The following DOT1L variants were observed in gnomAD, a reference collection of about 807,000 sequenced individuals.
The protein encoded by DOT1L is histone-lysine N-methyltransferase, H3 lysine-79 specific.
DOT1L carries 33 observed loss-of-function variants against 153.3 expected under a neutral mutation model. The observed-to-expected ratio is 0.22, with a 90% CI of 0.16 to 0.29. DOT1L has a LOEUF of 0.29. DOT1L is among the 10% of genes least tolerant of loss of function. The probability of loss-of-function intolerance (pLI) is 1.00; values close to 1 mark genes in which losing one functional copy is unlikely to be tolerated. For missense variants in DOT1L, 1,847 were observed against 2,119.9 expected (o/e 0.87, Z 2.53); for synonymous variants, 1,135 against 965.1 (o/e 1.18, Z -3.26).
At chr19:2,200,820 TCTCGTCCTCCCC>T (rs2023232538) in intron 8 of DOT1L, among the ~76,000 whole-genome samples, 1 of 27,142 alleles carries the variant, frequency 3.7e-5, no homozygotes, top group Non-Finnish European at 7.3e-5. Context: ...TCCCCACGCC[TCTCGTCCTCCCC>T]GCATTCCTCG....
At position 2,216,324 on chromosome 19, in the gene DOT1L, T is replaced by C; in HGVS notation, c.1967T>C (p.Leu656Pro). Residue 656 changes from leucine (L) to proline (P), a missense_variant, in exon 20 of 28, where the codon CTC (leucine) becomes CCC (proline). Around this residue, in one of 8 missense-constraint regions of DOT1L, gnomAD observed 156 missense variants for 235.7 expected, o/e 0.66. Transcript: ENST00000398665. ...GAGAAGAGCCAGCGGCAGCAGGAGC[T>C]CCTGCAGCTCAAGTCCTGTGTGCCG... ...ELEKSQRQQE[L>P]LQLKSCVPPD... The C allele has an allele frequency of 6.3e-7, 1 of 1,595,750 alleles. No homozygotes were observed. The highest frequency in any genetic ancestry group is 8.6e-7 in the Non-Finnish European group (1 of 1,167,032).
At position 2,207,075 on chromosome 19, in the gene DOT1L, G is replaced by C. The variant is rs1012023414; in HGVS notation, c.856+278G>C. On this transcript the variant is annotated intron_variant, in intron 10 of 27. Transcript: ENST00000398665. The surrounding 1 kb of genome is among the most constrained non-coding windows in gnomAD (Gnocchi z 4.5). Reference sequence around the variant, plus strand: ...TCCTCGGGGAGACCCCGGCTTCGAGGGGAGGCGTGAAGGATTTACAGGACT... The same window carrying C: ...TCCTCGGGGAGACCCCGGCTTCGAGCGGAGGCGTGAAGGATTTACAGGACT... Among the ~76,000 whole-genome samples the C allele has an allele frequency of 2.6e-5, 4 of 152,232 alleles. No homozygotes were observed. Among genetic ancestry groups the C allele is most frequent in the Admixed American group, 1.3e-4 (2 of 15,292 alleles).
intron 1 of DOT1L, among the ~76,000 whole-genome samples, chr19:2,177,099 T>G (rs945693520): frequency 1.3e-5 from 2 of 151,972 alleles, no homozygotes; most frequent in Non-Finnish European, 2.9e-5. Flanking sequence ...CAGCAGTCTG[T>G]GGGGGTCCGC....
intron 7 of DOT1L, among the ~76,000 whole-genome samples, chr19:2,195,383 C>G (rs971238721): frequency 2.6e-5 from 4 of 152,158 alleles, no homozygotes; most frequent in Non-Finnish European, 5.9e-5. Flanking sequence ...CCCAGCTGCT[C>G]AGGCGCTCAC....
intron 10 of DOT1L, 125 bp downstream of exon 10, chr19:2,206,922 C>A: frequency 1.0e-6 from 1 of 969,522 alleles, no homozygotes. Flanking sequence ...TGGGGTGGGG[C>A]TGTCCTGGGC....
intron 27 of DOT1L, chr19:2,228,142 C>T (rs750102525): frequency 1.5e-6 from 2 of 1,364,970 alleles, no homozygotes; most frequent in South Asian, 1.1e-5. Flanking sequence ...GCTAACGCCT[C>T]TTTGTCTATC....
chr19:2,223,749 CGCA>C (rs1331029937), intron 25 of DOT1L, among the ~76,000 whole-genome samples: 6 of 152,318 alleles, frequency 3.9e-5, no homozygotes, highest in African/African-American at 1.4e-4. Context: ...AGGAGCTGAG[CGCA>C]GCAGGAGAGA....
chr19:2,176,023 T>C (rs1336340765), intron 1 of DOT1L, among the ~76,000 whole-genome samples: 1 of 152,174 alleles, frequency 6.6e-6, no homozygotes, highest in East Asian at 1.9e-4. Flanking sequence ...GTCCCGGCTC[T>C]GCCTGTCCCC....
rs767818465 is a variant in DOT1L at position 2,216,437 on chromosome 19, C to G, written c.2080C>G (p.Leu694Val). The stretch of plus-strand genomic sequence containing the variant: ...TGACGCCAGCCGGCTGCACCTGGAG[C>G]TGGACTGCACCAAGTTCTCGCTGCC... Reference protein sequence around the residue: ...EPDASRLHLELDCTKFSLPHL... With the variant: ...EPDASRLHLEVDCTKFSLPHL... Residue 694 changes from leucine (L) to valine (V), a missense_variant, in exon 20 of 28, where the codon CTG becomes GTG. By Grantham distance (32) the Leu-to-Val change is conservative. Coordinates refer to ENST00000398665, the MANE Select transcript of DOT1L (RefSeq NM_032482.3). The G allele has an allele frequency of 1.2e-6, 2 of 1,612,596 alleles. No homozygotes were observed. The highest frequency in any genetic ancestry group is 2.2e-5 in the East Asian group (1 of 44,880).
Position 2,230,472 on chromosome 19 carries a change from G to A in DOT1L, c.*680G>A, listed in dbSNP as rs1326055384. The A allele has an allele frequency of 2.5e-6, 1 of 399,046 alleles. No homozygotes were observed. Among genetic ancestry groups the A allele is most frequent in the Non-Finnish European group, 4.4e-6 (1 of 226,462 alleles). The allele number at this position is 399,046 out of a possible 1,614,324, so 24.7% of individuals were successfully genotyped here. The stretch of plus-strand genomic sequence containing the variant: ...AAGGGGCCTGCGCGGTGACGCAGCT[G>A]GCCATGTGCTGCGCGATGGTGCTGT... On this transcript the variant is annotated 3_prime_UTR_variant, in exon 28 of 28. Coordinates refer to ENST00000398665, the MANE Select transcript of DOT1L (RefSeq NM_032482.3).
chr19:2,202,800 G>A (rs963501834), intron 9 of DOT1L, 21 bp downstream of exon 9: 1 of 1,613,982 alleles, frequency 6.2e-7, no homozygotes, highest in Non-Finnish European at 8.5e-7. Context: ...CTCCTCGCCG[G>A]TCTGTGCTGG....
At position 2,227,012 on chromosome 19, in the gene DOT1L, G is replaced by A. The variant is rs776599555; in HGVS notation, c.4491G>A (p.Leu1497=). Residue 1497 remains leucine (L), a synonymous_variant, in exon 27 of 28, where the codon CTG becomes CTA. Coordinates refer to ENST00000398665, the MANE Select transcript of DOT1L (RefSeq NM_032482.3). ...SVAGSSVLQS[L]FSSVPAAAGL... is the part of the protein sequence containing the mutation. ...CCGGCTCCTCCGTGCTGCAGTCGCT[G>A]TTCAGCTCTGTGCCGGCCGCCGCAG... 1 of 1,591,182 alleles carries A rather than the reference G, an allele frequency of 6.3e-7. No individual in the cohort carries two copies. The highest frequency in any genetic ancestry group is 1.7e-5 in the Admixed American group (1 of 59,464).
intron 7 of DOT1L, among the ~76,000 whole-genome samples, chr19:2,195,874 T>C (rs1293317359): frequency 1.3e-5 from 2 of 152,222 alleles, no homozygotes; most frequent in African/African-American, 4.8e-5. Context: ...GTCATTCGAC[T>C]CTCACAGTTC....
chr19:2,221,933 G>C, intron 23 of DOT1L, 43 bp from the exon 24 acceptor site: 1 of 1,532,340 alleles, frequency 6.5e-7, no homozygotes, highest in Non-Finnish European at 8.8e-7. Flanking sequence ...CTTTCTCTTT[G>C]GCCATCCTGT....
At position 2,190,348 on chromosome 19, in the gene DOT1L, G is replaced by T. The variant is rs559924034; in HGVS notation, c.264+553G>T. 1.3e-5 allele frequency among the ~76,000 whole-genome samples: 2 copies of T among 152,238 alleles called. No individual in the cohort carries two copies. The highest frequency in any genetic ancestry group is 4.1e-4 in the South Asian group (2 of 4,830). On this transcript the variant is annotated intron_variant, in intron 4 of 27. Coordinates refer to ENST00000398665, the MANE Select transcript of DOT1L (RefSeq NM_032482.3). The surrounding 1 kb of genome is among the most constrained non-coding windows in gnomAD (Gnocchi z 4.8). ...CACCGGGGGCCCCTGGTGCATGGGGGTAGGGGAGCTCTTTCTTGAAGGTCT... is the reference window on the plus strand; with the variant it reads ...CACCGGGGGCCCCTGGTGCATGGGGTTAGGGGAGCTCTTTCTTGAAGGTCT...
chr19:2,200,477 C>T (rs1245212436), intron 8 of DOT1L, among the ~76,000 whole-genome samples: 1 of 152,212 alleles, frequency 6.6e-6, no homozygotes, highest in Non-Finnish European at 1.5e-5. Flanking sequence ...CTGGTGGCCA[C>T]GGGCTCTGTA....
chr19:2,172,026 C>A (rs2021661326), intron 1 of DOT1L, among the ~76,000 whole-genome samples: 1 of 152,120 alleles, frequency 6.6e-6, no homozygotes, highest in South Asian at 2.1e-4. Context: ...ATAGTGATAA[C>A]CTTGTAGGTA....
At chr19:2,202,618 C>T in intron 8 of DOT1L, 82 bp from the exon 9 acceptor site, 1 of 1,401,090 alleles carries the variant, frequency 7.1e-7, no homozygotes, top group East Asian at 2.3e-5. Context: ...CTAGCACCGA[C>T]AGCAGCGGTT....
intron 27 of DOT1L, chr19:2,227,869 C>G: frequency 7.8e-7 from 1 of 1,278,918 alleles, no homozygotes; most frequent in South Asian, 1.2e-5. Context: ...TCGGCCTCTT[C>G]CTTTCAGGCC....
Sources: allele counts gnomAD v4.1 joint callset (sites outside exome capture counted in the v4.1 genomes callset), GRCh38; gene constraint gnomAD v4.1.1; regional missense constraint gnomAD v4.1.1; non-coding constraint Gnocchi (gnomAD v3.1); transcripts MANE v1.5; gene names NCBI Gene and HGNC (gene_info 2026-07-23, HGNC 2026-07-21).